The following CIB4 variants were observed in gnomAD, a reference collection of about 807,000 sequenced individuals.
The protein encoded by CIB4 is calcium and integrin-binding family member 4.
In CIB4, 25 loss-of-function variants were observed where a neutral mutation model predicts 25.8. The observed-to-expected ratio is 0.97, with a 90% CI of 0.71 to 1.35. The LOEUF is 1.35. CIB4 is among the 40% of genes most tolerant of loss of function. CIB4 has a pLI of 0.00. For missense variants in CIB4, 235 were observed against 228.2 expected (o/e 1.03, Z -0.19); for synonymous variants, 75 against 81.4 (o/e 0.92, Z 0.42).
intron 4 of CIB4, 72 bp downstream of exon 4, chr2:26,595,104 G>T (rs1668654738): frequency 2.1e-6 from 3 of 1,454,294 alleles, no homozygotes; most frequent in Middle Eastern, 1.8e-4. Context: ...ATGAACTGAT[G>T]ATGGAGTCCA....
At chr2:26,590,694 C>A (rs556626692) in intron 4 of CIB4, among the ~76,000 whole-genome samples, 1 of 152,222 alleles carries the variant, frequency 6.6e-6, no homozygotes, top group Non-Finnish European at 1.5e-5. Flanking sequence ...TGTAAAGAAA[C>A]CTTCCGAGCC....
At chr2:26,589,918 G>A (rs1668553542) in intron 4 of CIB4, among the ~76,000 whole-genome samples, 1 of 152,148 alleles carries the variant, frequency 6.6e-6, no homozygotes, top group Non-Finnish European at 1.5e-5. Context: ...AAGATGAGAT[G>A]TCTTTGGGCA....
intron 4 of CIB4, among the ~76,000 whole-genome samples, chr2:26,591,609 G>C (rs901171671): frequency 6.6e-6 from 1 of 152,224 alleles, no homozygotes; most frequent in Admixed American, 6.5e-5. Flanking sequence ...TGGTGCTCAG[G>C]CTTTCGTATA....
intron 2 of CIB4, among the ~76,000 whole-genome samples, chr2:26,631,336 A>G (rs1044198007): frequency 1.3e-5 from 2 of 152,162 alleles, no homozygotes; most frequent in African/African-American, 2.4e-5. Context: ...TTAGCCAGGC[A>G]TACTGGCACG....
At chr2:26,612,792 T>C (rs1407471113) in intron 3 of CIB4, among the ~76,000 whole-genome samples, 2 of 152,188 alleles carry the variant, frequency 1.3e-5, no homozygotes, top group East Asian at 3.8e-4. Flanking sequence ...GTGGGGTGGC[T>C]TAAGCCCTGG....
chr2:26,606,486 C>A (rs1668892383), intron 3 of CIB4, among the ~76,000 whole-genome samples: 1 of 152,144 alleles, frequency 6.6e-6, no homozygotes, highest in African/African-American at 2.4e-5. Flanking sequence ...GGCCAGAGGA[C>A]TCCCCCCTCC....
At chr2:26,585,810 C>T (rs1020453757) in intron 4 of CIB4, among the ~76,000 whole-genome samples, 1 of 152,078 alleles carries the variant, frequency 6.6e-6, no homozygotes, top group Non-Finnish European at 1.5e-5. Context: ...CCTTCCTGCT[C>T]CTACCCAATA....
At chr2:26,583,048 C>T in intron 5 of CIB4, 135 bp from the exon 6 acceptor site, 1 of 607,638 alleles carries the variant, frequency 1.6e-6, no homozygotes, top group South Asian at 2.1e-5. Flanking sequence ...GTCCCCTGAC[C>T]CCAGTGACCC....
intron 3 of CIB4, among the ~76,000 whole-genome samples, chr2:26,608,019 C>T (rs1409339207): frequency 6.6e-6 from 1 of 152,212 alleles, no homozygotes; most frequent in Non-Finnish European, 1.5e-5. Context: ...GGGTGGATCA[C>T]CTGAAGTCAG....
intron 3 of CIB4, among the ~76,000 whole-genome samples, chr2:26,600,329 G>A (rs1275933): frequency 0.76 from 115,025 of 151,912 alleles, 47,219 homozygotes; most frequent in East Asian, 1. Context: ...GCTTGAACTC[G>A]GGAGGCAGAG....
intron 3 of CIB4, among the ~76,000 whole-genome samples, chr2:26,628,771 A>C (rs1187587907): frequency 1.3e-5 from 2 of 152,216 alleles, no homozygotes. Context: ...GAAAATTCTC[A>C]GTCCCTCTAG....
intron 3 of CIB4, among the ~76,000 whole-genome samples, chr2:26,605,741 T>C (rs891392851): frequency 8.5e-5 from 13 of 152,120 alleles, no homozygotes; most frequent in African/African-American, 2.7e-4. Flanking sequence ...GACGATATTA[T>C]CACTTCATTT....
chr2:26,590,492 G>A (rs543742709), intron 4 of CIB4, among the ~76,000 whole-genome samples: 7 of 152,052 alleles, frequency 4.6e-5, no homozygotes, highest in African/African-American at 9.6e-5. Flanking sequence ...GCAAGGGGCC[G>A]GAGCACTGAG....
chr2:26,598,229 G>A (rs917391208), intron 3 of CIB4, among the ~76,000 whole-genome samples: 1 of 151,924 alleles, frequency 6.6e-6, no homozygotes, highest in African/African-American at 2.4e-5. Flanking sequence ...GAACCCAGGA[G>A]GCGGAGGTTG....
intron 3 of CIB4, among the ~76,000 whole-genome samples, chr2:26,609,627 G>A (rs900250504): frequency 1.3e-5 from 2 of 152,132 alleles, no homozygotes; most frequent in South Asian, 2.1e-4. Flanking sequence ...GACCGCATAC[G>A]CTCTTGGGCC....
intron 4 of CIB4, among the ~76,000 whole-genome samples, chr2:26,590,872 G>C (rs1054875235): frequency 6.6e-6 from 1 of 152,208 alleles, no homozygotes; most frequent in African/African-American, 2.4e-5. Flanking sequence ...GAGAGAGAGT[G>C]GGGAGAAAGA....
intron 6 of CIB4, 97 bp downstream of exon 6, chr2:26,582,728 G>A (rs1289445436): frequency 1.5e-6 from 1 of 662,320 alleles, no homozygotes; most frequent in Non-Finnish European, 2.6e-6. Context: ...AGCCTTCTTG[G>A]GAAGACTGAG....
At chr2:26,624,203 C>T (rs2148219880) in intron 3 of CIB4, among the ~76,000 whole-genome samples, 1 of 152,312 alleles carries the variant, frequency 6.6e-6, no homozygotes, top group South Asian at 2.1e-4. Flanking sequence ...GCCCCTGAGC[C>T]AAGTTATATC....
intron 3 of CIB4, among the ~76,000 whole-genome samples, chr2:26,599,447 G>A (rs1432829373): frequency 1.3e-5 from 2 of 152,090 alleles, no homozygotes; most frequent in African/African-American, 4.8e-5. Flanking sequence ...ATTTGAAGAT[G>A]AAAGTCAGAG....
Sources: allele counts gnomAD v4.1 joint callset (sites outside exome capture counted in the v4.1 genomes callset), GRCh38; gene constraint gnomAD v4.1.1; transcripts MANE v1.5; gene names NCBI Gene and HGNC (gene_info 2026-07-23, HGNC 2026-07-21).